IKZF2: variants seen among roughly 807,000 people sequenced by gnomAD.
The protein encoded by IKZF2 is IKAROS family zinc finger 2, also known as zinc finger protein Helios.
IKZF2 carries 15 observed loss-of-function variants against 49.2 expected under a neutral mutation model. That is an observed-to-expected ratio of 0.30 (90% confidence interval 0.20 to 0.47). IKZF2 has a LOEUF of 0.47. Among genes scored for constraint, IKZF2 ranks in the 20% least tolerant of loss-of-function variants. IKZF2 has a pLI of 1.00. For missense variants in IKZF2, 567 were observed against 664.6 expected (o/e 0.85, Z 1.61); for synonymous variants, 227 against 221.4 (o/e 1.03, Z -0.23).
Position 213,001,891 on chromosome 2 carries a change from A to T in IKZF2, c.*5469T>A, listed in dbSNP as rs563563812. ...GAATTTGAACTACTTAAAAAAAACA[A>T]GAATAAAACAACAAAAAAACCCAGA... On this transcript the variant is annotated 3_prime_UTR_variant, in exon 9 of 9. Transcript: ENST00000434687. The T allele has an allele frequency of 6.6e-6, 1 of 152,058 alleles. No homozygotes were observed. The highest frequency in any genetic ancestry group is 1.9e-4 in the East Asian group (1 of 5,166). 9.4% of individuals were successfully genotyped at this position (152,058 alleles called of 1,614,324 possible).
chr2:213,125,797 A>G (rs1253489231), intron 4 of IKZF2, among the ~76,000 whole-genome samples: 1 of 152,122 alleles, frequency 6.6e-6, no homozygotes, highest in Non-Finnish European at 1.5e-5. Context: ...AAGGTATTAT[A>G]TGCACCCAAG....
chr2:213,081,545 T>C (rs13390944), intron 4 of IKZF2, among the ~76,000 whole-genome samples: 17,684 of 152,202 alleles, frequency 0.12, 2,644 homozygotes, highest in African/African-American at 0.35. Flanking sequence ...GAGGGGATGA[T>C]CAAAGAAGTT....
intron 8 of IKZF2, among the ~76,000 whole-genome samples, chr2:213,009,012 A>C (rs1388583412): frequency 6.6e-6 from 1 of 152,102 alleles, no homozygotes; most frequent in African/African-American, 2.4e-5. Flanking sequence ...TATTTCAAAA[A>C]GTATTTGCTC....
chr2:213,119,522 A>G (rs1039295217), intron 4 of IKZF2, among the ~76,000 whole-genome samples: 6 of 152,102 alleles, frequency 3.9e-5, no homozygotes, highest in Non-Finnish European at 8.8e-5. Context: ...GAGAAGGAGG[A>G]AAAAAAAGAA....
chr2:213,051,776 T>C (rs1053561135), intron 5 of IKZF2, among the ~76,000 whole-genome samples: 1 of 151,990 alleles, frequency 6.6e-6, no homozygotes, highest in Non-Finnish European at 1.5e-5. Flanking sequence ...TATTATACTT[T>C]TCACTCCAAA....
intron 5 of IKZF2, chr2:213,056,481 C>A (rs1701162115): frequency 2.8e-6 from 1 of 356,886 alleles, no homozygotes; most frequent in African/African-American, 2.1e-5. Context: ...TCTTATCTAG[C>A]AAACTATATT....
At chr2:213,089,417 C>T (rs182541719) in intron 4 of IKZF2, among the ~76,000 whole-genome samples, 23 of 152,272 alleles carry the variant, frequency 1.5e-4, no homozygotes, top group African/African-American at 4.1e-4. Context: ...AGTCCTCTCC[C>T]TTTGTCCACT....
intron 4 of IKZF2, among the ~76,000 whole-genome samples, chr2:213,146,810 G>A (rs1371981551): frequency 3.6e-5 from 5 of 140,258 alleles, no homozygotes; most frequent in African/African-American, 1.0e-4. Flanking sequence ...TGCCAAAACA[G>A]AAAACTTGTA....
chr2:213,042,997 A>C (rs896480545), intron 6 of IKZF2, among the ~76,000 whole-genome samples: 2 of 152,154 alleles, frequency 1.3e-5, no homozygotes, highest in Admixed American at 6.5e-5. Flanking sequence ...TATTAAAGAA[A>C]CCATGGAAAA....
At chr2:213,057,677 GT>G (rs1230064009) in intron 4 of IKZF2, among the ~76,000 whole-genome samples, 1 of 152,062 alleles carries the variant, frequency 6.6e-6, no homozygotes, top group Non-Finnish European at 1.5e-5. Flanking sequence ...CATATATTCA[GT>G]TTCGAGCTAT....
chr2:213,144,741 TC>T (rs1207846245), intron 4 of IKZF2, among the ~76,000 whole-genome samples: 3 of 151,908 alleles, frequency 2.0e-5, no homozygotes, highest in Admixed American at 6.6e-5. Context: ...ACAATGTCCA[TC>T]TTCTTAACAA....
chr2:213,084,835 C>T (rs1264244250), intron 4 of IKZF2, among the ~76,000 whole-genome samples: 3 of 152,138 alleles, frequency 2.0e-5, no homozygotes, highest in South Asian at 2.1e-4. Flanking sequence ...CATGTAGTAT[C>T]CCTTTGCATT....
Position 213,055,064 on chromosome 2 carries a change from T to C in IKZF2, c.406+1769A>G, listed in dbSNP as rs796545295. On this transcript the variant is annotated intron_variant, in intron 5 of 8. Transcript: ENST00000434687. ...CAGAACATAAAAGATCAATTAAAAA[T>C]CTTCTAAATACTGTTTTTAGTTTAT... 1.1e-4 allele frequency among the ~76,000 whole-genome samples: 17 copies of C among 152,238 alleles called. 1 individual carries two copies. Among genetic ancestry groups the C allele is most frequent in the African/African-American group, 4.1e-4 (17 of 41,576 alleles).
chr2:213,139,728 C>T (rs996962759), intron 4 of IKZF2, among the ~76,000 whole-genome samples: 8 of 151,948 alleles, frequency 5.3e-5, no homozygotes, highest in Admixed American at 4.6e-4. Context: ...AGTGCCAAAT[C>T]CTGCATTATA....
intron 4 of IKZF2, among the ~76,000 whole-genome samples, chr2:213,076,359 T>C (rs1466929578): frequency 6.6e-6 from 1 of 152,084 alleles, no homozygotes; most frequent in African/African-American, 2.4e-5. Context: ...ACATGTAATA[T>C]AAACAAGAGA....
chr2:213,019,434 C>T lies in IKZF2; in HGVS notation c.712+2559G>A, dbSNP rs550189930. ...GACGTATGTTAATGATGAACTCTAG[C>T]AGCATTTTACAGAACCATGTTTTTC... On this transcript the variant is annotated intron_variant, in intron 7 of 8. Coordinates refer to ENST00000434687, the MANE Select transcript of IKZF2 (RefSeq NM_001387220.1). 5.9e-5 allele frequency among the ~76,000 whole-genome samples: 9 copies of T among 152,264 alleles called. No individual in the cohort carries two copies. The South Asian group carries it at 1.9e-3, about 32-fold the overall frequency.
At chr2:213,056,365 T>C (rs1309396583) in intron 5 of IKZF2, among the ~76,000 whole-genome samples, 1 of 152,168 alleles carries the variant, frequency 6.6e-6, no homozygotes, top group East Asian at 1.9e-4. Flanking sequence ...AGACCTGTGG[T>C]AGGATAGGCA....
At chr2:213,047,769 G>A (rs1057304454) in intron 6 of IKZF2, among the ~76,000 whole-genome samples, 1 of 151,706 alleles carries the variant, frequency 6.6e-6, no homozygotes, top group African/African-American at 2.4e-5. Flanking sequence ...GATTTACTGG[G>A]GCATCTCTTT....
At chr2:213,034,538 G>T (rs1698803789) in intron 6 of IKZF2, among the ~76,000 whole-genome samples, 1 of 152,138 alleles carries the variant, frequency 6.6e-6, no homozygotes, top group Non-Finnish European at 1.5e-5. Context: ...GAATATAGAG[G>T]CCAGGTGAGG....
Sources: allele counts gnomAD v4.1 joint callset (sites outside exome capture counted in the v4.1 genomes callset), GRCh38; gene constraint gnomAD v4.1.1; transcripts MANE v1.5; gene names NCBI Gene and HGNC (gene_info 2026-07-23, HGNC 2026-07-21).